The following SLC6A8 variants were observed in gnomAD, a reference collection of about 807,000 sequenced individuals.
SLC6A8 encodes the protein solute carrier family 6 member 8.
Under a neutral mutation model 48.3 loss-of-function variants are expected in SLC6A8, and 6 were observed. The observed-to-expected ratio is 0.12, with a 90% CI of 0.07 to 0.25. The LOEUF is 0.25. Among genes scored for constraint, SLC6A8 ranks in the 10% least tolerant of loss-of-function variants. SLC6A8 has a pLI of 1.00. For missense variants in SLC6A8, 260 were observed against 551.5 expected, an observed-to-expected ratio of 0.47 and a Z score of 5.29; for synonymous variants, 245 against 244.0, an observed-to-expected ratio of 1.00 and a Z score of -0.04.
chrX:153,688,681 GC>G lies in SLC6A8; in HGVS notation c.111del (p.Val38TrpfsTer59). The G allele has an allele frequency of 9.1e-7, 1 of 1,095,944 alleles. No individual in the cohort carries two copies. The highest frequency in any genetic ancestry group is 1.2e-6 in the Non-Finnish European group (1 of 836,551). 90.3% of individuals were successfully genotyped at this position (1,095,944 alleles called of 1,213,427 possible). ...GPDGAPAKGD[G>X]PVGLGTPGGR... Reference sequence around the variant, plus strand: ...GACGGGGCCCCGGCCAAGGGCGACGGCCCCGTGGGCCTGGGGACACCCGGCG... The same window carrying G: ...GACGGGGCCCCGGCCAAGGGCGACGGCCCGTGGGCCTGGGGACACCCGGCG... On this transcript the variant is annotated frameshift_variant, in exon 1 of 13. Coordinates refer to ENST00000253122, the MANE Select transcript of SLC6A8 (RefSeq NM_005629.4). LOFTEE classifies it high-confidence loss of function.
chrX:153,690,892 A>ACCCCCCCCCCCCC (rs34305716), intron 2 of SLC6A8: 2 of 139,211 alleles, frequency 1.4e-5, no homozygotes, highest in African/African-American at 1.1e-4. Context: ...GCGACTAGAA[A>ACCCCCCCCCCCCC]CCCCCCCCCC....
At position 153,695,411 on chromosome X, in the gene SLC6A8, A is replaced by C; in HGVS notation, c.*197A>C. 1 of 459,285 alleles carries C rather than the reference A, an allele frequency of 2.2e-6. No individual in the cohort carries two copies. Among genetic ancestry groups the C allele is most frequent in the Non-Finnish European group, 3.8e-6 (1 of 262,177 alleles). 37.9% of individuals were successfully genotyped at this position (459,285 alleles called of 1,213,427 possible). ...TAAAACGCCAAAAATATCACAACCC[A>C]CCAAAAATAGATGCCTCTCCCCCTC... On this transcript the variant is annotated 3_prime_UTR_variant, in exon 13 of 13. Coordinates refer to ENST00000253122, the MANE Select transcript of SLC6A8 (RefSeq NM_005629.4).
At position 153,694,487 on chromosome X, in the gene SLC6A8, G is replaced by GGAA. The variant is rs782528711; in HGVS notation, c.1495+43_1496-42dup. The GGAA allele has an allele frequency of 2.4e-4, 289 of 1,190,850 alleles. 1 individual carries two copies. In the Middle Eastern group the frequency reaches 6.8e-3, roughly 28 times the overall value. On this transcript the variant is annotated intron_variant, in intron 10 of 12. Transcript: ENST00000253122. Reference sequence around the variant, plus strand: ...GGGCTGGGCTGGGGGATGGTGGCGGGGAAGGCAGGTCTCCAGCTTGGCCCT... The same window carrying GGAA: ...GGGCTGGGCTGGGGGATGGTGGCGGGGAAGAAGGCAGGTCTCCAGCTTGGCCCT...
Position 153,696,222 on chromosome X carries a change from C to T in SLC6A8, c.*1008C>T. Reference sequence around the variant, plus strand: ...GGCTGTCCCCACGCTGTCCCTTTGCCACAAGTCTGTGGGGCAAGAGGCTGC... The same window carrying T: ...GGCTGTCCCCACGCTGTCCCTTTGCTACAAGTCTGTGGGGCAAGAGGCTGC... On this transcript the variant is annotated 3_prime_UTR_variant, in exon 13 of 13. Coordinates refer to ENST00000253122, the MANE Select transcript of SLC6A8 (RefSeq NM_005629.4). 1 of 271,088 alleles carries T rather than the reference C, an allele frequency of 3.7e-6. No individual in the cohort carries two copies. Among genetic ancestry groups the T allele is most frequent in the Non-Finnish European group, 7.2e-6 (1 of 139,808 alleles). 22.3% of individuals were successfully genotyped at this position (271,088 alleles called of 1,213,427 possible).
intron 11 of SLC6A8, 21 bp downstream of exon 11, chrX:153,694,654 G>GGC (rs782172095): frequency 8.4e-7 from 1 of 1,194,393 alleles, no homozygotes; most frequent in African/African-American, 1.7e-5. Context: ...GGGGAGGTGG[G>GGC]GCAGGGCGGG....
chrX:153,692,864 C>T (rs1557044857), intron 4 of SLC6A8, 177 bp from the exon 5 acceptor site: 3 of 609,979 alleles, frequency 4.9e-6, no homozygotes, highest in African/African-American at 2.2e-5. Context: ...CCCCACTGCA[C>T]TTGGCCAGGG....
At chrX:153,692,323 C>T in intron 4 of SLC6A8, 1 of 475,615 alleles carries the variant, frequency 2.1e-6, no homozygotes, top group African/African-American at 2.3e-5. Flanking sequence ...CTGTCCCTTC[C>T]CTGTGCCCAT....
At position 153,694,557 on chromosome X, in the gene SLC6A8, T is replaced by C. The variant is rs2091477291; in HGVS notation, c.1520T>C (p.Ile507Thr). ...GGAGCTGACCGCTTCATGGACGACA[T>C]TGCCTGTATGATCGGGTACCGACCT... ...VYGADRFMDD[I>T]ACMIGYRPCP... Residue 507 changes from isoleucine to threonine, a missense_variant, in exon 11 of 13, where the codon ATT becomes ACT. Ile to Thr is a moderately conservative substitution (Grantham distance 89). Transcript: ENST00000253122. 1.7e-6 allele frequency: 2 copies of C among 1,207,156 alleles called. No homozygotes were observed. The highest frequency in any genetic ancestry group is 3.0e-5 in the East Asian group (1 of 33,661).
At chrX:153,690,755 AG>A (rs2091450809) in intron 2 of SLC6A8, 1 of 393,188 alleles carries the variant, frequency 2.5e-6, no homozygotes, top group Non-Finnish European at 4.5e-6. Flanking sequence ...GGACCTGCCC[AG>A]CAGCACCCTT....
At chrX:153,693,402 TG>T (rs1426248745) in intron 6 of SLC6A8, 36 bp downstream of exon 6, 2 of 1,207,497 alleles carry the variant, frequency 1.7e-6, no homozygotes, top group Admixed American at 2.2e-5. Flanking sequence ...TGCCCTGTCC[TG>T]CCCTGCCCCG....
At chrX:153,693,640 A>C (rs1218860142) in intron 7 of SLC6A8, 54 bp downstream of exon 7, 33 of 1,151,871 alleles carry the variant, frequency 2.9e-5, no homozygotes, top group Non-Finnish European at 3.7e-5. Flanking sequence ...ACCCAGATGC[A>C]TGATGTACAG....
In SLC6A8 at chrX:153,688,223, GAGCCGCCGC is replaced by G. The variant is rs1401436567; in HGVS notation, c.-342_-334del. Reference sequence around the variant, plus strand: ...TAGGCTGAGCCTCGGGTCGGGCGAGGAGCCGCCGCAGCCGCCGCCGCCCGAGCCGCGGGC... The same window carrying G: ...TAGGCTGAGCCTCGGGTCGGGCGAGGAGCCGCCGCCGCCCGAGCCGCGGGC... On this transcript the variant is annotated 5_prime_UTR_variant, in exon 1 of 13. Transcript: ENST00000253122. 1.0e-5 allele frequency: 1 copy of G among 99,424 alleles called. No homozygotes were observed. Among genetic ancestry groups the G allele is most frequent in the Admixed American group, 1.0e-4 (1 of 9,736 alleles). 8.2% of individuals were successfully genotyped at this position (99,424 alleles called of 1,213,427 possible). A position where few individuals can be genotyped will look rare whatever the true frequency, so the allele number is the denominator to read the frequency against.
chrX:153,693,770 CCT>C, intron 7 of SLC6A8, 133 bp from the exon 8 acceptor site: 1 of 788,944 alleles, frequency 1.3e-6, no homozygotes, highest in Non-Finnish European at 1.9e-6. Flanking sequence ...CCTCCCAGCC[CCT>C]GCCGCACGAC....
At chrX:153,688,929 C>A (rs1330642043) in intron 1 of SLC6A8, 93 bp downstream of exon 1, 6 of 459,452 alleles carry the variant, frequency 1.3e-5, no homozygotes, top group Non-Finnish European at 1.8e-5. Context: ...GAAGTCCGGG[C>A]AACGGGTGGC....
At chrX:153,692,690 G>A (rs782423480) in intron 4 of SLC6A8, 6 of 362,872 alleles carry the variant, frequency 1.7e-5, no homozygotes, top group Non-Finnish European at 2.6e-5. Context: ...CCAATATCCC[G>A]CTCCCTGCCT....
At chrX:153,691,951 A>C in intron 3 of SLC6A8, 24 bp from the exon 4 acceptor site, 2 of 1,181,748 alleles carry the variant, frequency 1.7e-6, no homozygotes, top group Non-Finnish European at 2.3e-6. Flanking sequence ...CACAGGCCTC[A>C]TGGGACCTCC....
chrX:153,692,654 G>C, intron 4 of SLC6A8: 2 of 346,983 alleles, frequency 5.8e-6, no homozygotes, highest in Non-Finnish European at 1.1e-5. Context: ...CCTCTCTCCA[G>C]AAGAGGAGGG....
rs1272688638 is a variant in SLC6A8, at chrX:153,695,725, CCT to C, written c.*512_*513del. Reference sequence around the variant, plus strand: ...GCTGGGCTATACCCCTCTCCCCATCCCTGTTATAGAAGCTTAGAGAGCCAGCC... The same window carrying C: ...GCTGGGCTATACCCCTCTCCCCATCCGTTATAGAAGCTTAGAGAGCCAGCC... On this transcript the variant is annotated 3_prime_UTR_variant, in exon 13 of 13. Transcript: ENST00000253122. The C allele has an allele frequency of 2.0e-5, 3 of 153,462 alleles. No individual in the cohort carries two copies. The highest frequency in any genetic ancestry group is 2.5e-5 in the Non-Finnish European group (2 of 79,361). 12.6% of individuals were successfully genotyped at this position (153,462 alleles called of 1,213,427 possible). A position where few individuals can be genotyped will look rare whatever the true frequency, so the allele number is the denominator to read the frequency against.
At chrX:153,688,952 G>T in intron 1 of SLC6A8, 116 bp downstream of exon 1, 3 of 295,743 alleles carry the variant, frequency 1.0e-5, no homozygotes, top group Non-Finnish European at 1.0e-5. Flanking sequence ...CCGGGCACGC[G>T]GGGGTCGGGG....
Sources: gnomAD v4.1 joint callset for allele counts on GRCh38, gnomAD v4.1.1 for gene constraint, MANE v1.5 for transcripts, NCBI Gene and HGNC (gene_info 2026-07-23, HGNC 2026-07-21) for gene names.